The following CD226 variants were observed in gnomAD, a reference collection of about 807,000 sequenced individuals.
The protein encoded by CD226 is CD226 antigen.
A neutral mutation model predicts 34.9 loss-of-function variants in CD226; 24 were observed. The ratio of observed to expected loss-of-function variants is 0.69; its 90% CI spans 0.50 to 0.97. CD226 has a LOEUF of 0.97. Among genes scored for constraint, CD226 ranks in the 50% least tolerant of loss-of-function variants. The probability of loss-of-function intolerance (pLI) is 0.00; values close to 1 mark genes in which losing one functional copy is unlikely to be tolerated. For missense variants in CD226, 397 were observed against 412.7 expected, an observed-to-expected ratio of 0.96 and a Z score of 0.33; for synonymous variants, 148 against 147.4, an observed-to-expected ratio of 1.00 and a Z score of -0.03.
At chr18:69,907,784 T>C (rs1004001121) in intron 2 of CD226, among the ~76,000 whole-genome samples, 8 of 152,178 alleles carry the variant, frequency 5.3e-5, no homozygotes, top group Non-Finnish European at 1.2e-4. Flanking sequence ...TTGAGCTCCG[T>C]CACACAGCTT....
intron 5 of CD226, among the ~76,000 whole-genome samples, chr18:69,866,763 C>T (rs994959724): frequency 6.6e-6 from 1 of 152,074 alleles, no homozygotes; most frequent in South Asian, 2.1e-4. Flanking sequence ...GCTCAAACAA[C>T]GCTGTGCTGG....
chr18:69,898,340 G>A (rs1985418899), intron 2 of CD226, among the ~76,000 whole-genome samples: 2 of 152,250 alleles, frequency 1.3e-5, no homozygotes, highest in Middle Eastern at 3.4e-3. Flanking sequence ...CTCTCTGGAT[G>A]CCGCCCCGTC....
intron 3 of CD226, among the ~76,000 whole-genome samples, chr18:69,882,324 T>G (rs189348577): frequency 2.6e-5 from 4 of 152,338 alleles, no homozygotes; most frequent in African/African-American, 7.2e-5. Context: ...TTATGTCAGT[T>G]GAGAAACATA....
chr18:69,938,526 T>C lies in CD226; in HGVS notation c.382+8208A>G, dbSNP rs976276184. On this transcript the variant is annotated intron_variant, in intron 2 of 5. Transcript: ENST00000582621. ...CTGGTTTGTTGTTCCATAATTTCAATTGTCAGCTGGTCAAAGGCTACTTTA... is the reference window on the plus strand; with the variant it reads ...CTGGTTTGTTGTTCCATAATTTCAACTGTCAGCTGGTCAAAGGCTACTTTA... 2.6e-5 allele frequency among the ~76,000 whole-genome samples: 4 copies of C among 152,348 alleles called. No individual in the cohort carries two copies. In the East Asian group the frequency reaches 5.8e-4, roughly 22 times the overall value.
intron 2 of CD226, among the ~76,000 whole-genome samples, chr18:69,930,575 G>T (rs17081855): frequency 0.034 from 5,235 of 152,178 alleles, 314 homozygotes; most frequent in African/African-American, 0.12. Context: ...AAAGAAATAG[G>T]TGTCAAAACC....
chr18:69,904,503 G>GT (rs1474604199), intron 2 of CD226, among the ~76,000 whole-genome samples: 1 of 152,162 alleles, frequency 6.6e-6, no homozygotes, highest in East Asian at 1.9e-4. Flanking sequence ...CTCCTGAAAG[G>GT]TAACCGTGGG....
At position 69,895,941 on chromosome 18, in the gene CD226, C is replaced by G. The variant is rs780295731; in HGVS notation, c.487G>C (p.Val163Leu). 5 of 1,614,048 alleles carry G rather than the reference C, an allele frequency of 3.1e-6. No individual in the cohort carries two copies. The highest frequency in any genetic ancestry group is 4.2e-6 in the Non-Finnish European group (5 of 1,180,040). The change falls in exon 3 of 6, where the codon GTG becomes CTG. Residue 163 changes from valine to leucine, a missense_variant. Val to Leu is a conservative substitution (Grantham distance 32, BLOSUM62 1). Transcript: ENST00000582621. The stretch of plus-strand genomic sequence containing the variant: ...CGGGGCTGGATCTTTTCCCACCTCA[C>G]TGCCTGCACAGGCCACGTCATCTGA... ...QPQMTWPVQA[V>L]RWEKIQPRQI...
In CD226 at chr18:69,890,505, G is replaced by A. The variant is rs561841512; in HGVS notation, c.727+5196C>T. 3.8e-4 allele frequency among the ~76,000 whole-genome samples: 58 copies of A among 152,220 alleles called. 2 individuals are homozygous for A. In the South Asian group the frequency reaches 7.5e-3, roughly 20 times the overall value. On this transcript the variant is annotated intron_variant, in intron 3 of 5. Transcript: ENST00000582621. ...ATAGATGGAAGTTAATAAGTCACTC[G>A]AGGGTAGCAATTTTCAGACTATAAA...
At chr18:69,955,176 A>G (rs1484690082) in intron 1 of CD226, among the ~76,000 whole-genome samples, 1 of 152,144 alleles carries the variant, frequency 6.6e-6, no homozygotes, top group African/African-American at 2.4e-5. Context: ...TAGGCTGTCC[A>G]CCCAGGTAGA....
chr18:69,924,618 C>T (rs1292817497), intron 2 of CD226, among the ~76,000 whole-genome samples: 1 of 142,820 alleles, frequency 7.0e-6, no homozygotes, highest in East Asian at 2.1e-4. Flanking sequence ...ATCTAAAGGG[C>T]CAAGTGCTTC....
chr18:69,876,335 T>C (rs1983860877), intron 3 of CD226, among the ~76,000 whole-genome samples: 1 of 152,232 alleles, frequency 6.6e-6, no homozygotes, highest in African/African-American at 2.4e-5. Flanking sequence ...GTCTAATTTA[T>C]ATGAATTTAA....
At chr18:69,940,070 T>C (rs1312469267) in intron 2 of CD226, among the ~76,000 whole-genome samples, 2 of 152,162 alleles carry the variant, frequency 1.3e-5, no homozygotes, top group Admixed American at 1.3e-4. Context: ...GTTCTCATGA[T>C]AGTGAGTTAG....
At chr18:69,918,608 CT>C (rs2055414327) in intron 2 of CD226, among the ~76,000 whole-genome samples, 2 of 151,930 alleles carry the variant, frequency 1.3e-5, no homozygotes, top group African/African-American at 2.4e-5. Context: ...TGGATAATAC[CT>C]CAGGCATGGT....
At position 69,863,816 on chromosome 18, in the gene CD226, A is replaced by T. The variant is rs1210858586; in HGVS notation, c.*498T>A. 2.0e-5 allele frequency: 3 copies of T among 152,764 alleles called. No individual in the cohort carries two copies. Among genetic ancestry groups the T allele is most frequent in the African/African-American group, 7.2e-5 (3 of 41,460 alleles). The allele number at this position is 152,764 out of a possible 1,614,324, so 9.5% of individuals were successfully genotyped here. A position where few individuals can be genotyped will look rare whatever the true frequency, so the allele number is the denominator to read the frequency against. The stretch of plus-strand genomic sequence containing the variant: ...TGGTCATGTTGCCTATTTAACAATG[A>T]AAAAATAATCAAATTTGTTTGCTCC... On this transcript the variant is annotated 3_prime_UTR_variant, in exon 6 of 6. Transcript: ENST00000582621.
At chr18:69,900,853 T>C (rs1018039515) in intron 2 of CD226, among the ~76,000 whole-genome samples, 1 of 152,198 alleles carries the variant, frequency 6.6e-6, no homozygotes, top group African/African-American at 2.4e-5. Flanking sequence ...TTTATTGATT[T>C]TGGGGGAGAT....
chr18:69,881,473 C>A (rs558291591), intron 3 of CD226, among the ~76,000 whole-genome samples: 1 of 152,278 alleles, frequency 6.6e-6, no homozygotes, highest in South Asian at 2.1e-4. Context: ...ATGTTTTAAA[C>A]AGTTTTTTTT....
chr18:69,958,661 T>G (rs1599041257), upstream of CD226, among the ~76,000 whole-genome samples: 1 of 152,198 alleles, frequency 6.6e-6, no homozygotes, highest in East Asian at 1.9e-4. Context: ...TGCTCATACC[T>G]ACAGGGACCT....
upstream of CD226, among the ~76,000 whole-genome samples, chr18:69,952,719 T>C (rs2055864659): frequency 6.6e-6 from 1 of 152,160 alleles, no homozygotes; most frequent in Non-Finnish European, 1.5e-5. Context: ...ACAGCAAACC[T>C]ATGGGCAACA....
chr18:69,869,660 A>T (rs1983378518), intron 4 of CD226, among the ~76,000 whole-genome samples: 1 of 152,200 alleles, frequency 6.6e-6, no homozygotes, highest in African/African-American at 2.4e-5. Flanking sequence ...CCCTGAACTT[A>T]AAATAAATGT....
Sources: allele counts gnomAD v4.1 joint callset (sites outside exome capture counted in the v4.1 genomes callset), GRCh38; gene constraint gnomAD v4.1.1; transcripts MANE v1.5; gene names NCBI Gene and HGNC (gene_info 2026-07-23, HGNC 2026-07-21).